ULK4: variants seen among roughly 807,000 people sequenced by gnomAD.
The protein encoded by ULK4 is unc-51 like kinase 4.
In ULK4, 133 loss-of-function variants were observed where a neutral mutation model predicts 160.6. That is an observed-to-expected ratio of 0.83 (90% CI 0.72 to 0.96). The LOEUF (loss-of-function observed/expected upper bound fraction) is 0.96. ULK4 is among the 40% of genes least tolerant of loss of function. The pLI is 0.00. For missense variants in ULK4, 1,580 were observed against 1,499.5 expected, an observed-to-expected ratio of 1.05 and a Z score of -0.89; for synonymous variants, 534 against 539.8, an observed-to-expected ratio of 0.99 and a Z score of 0.15.
intron 35 of ULK4, among the ~76,000 whole-genome samples, chr3:41,323,073 G>C (rs2080273971): frequency 6.6e-6 from 1 of 152,034 alleles, no homozygotes; most frequent in Non-Finnish European, 1.5e-5. Context: ...GAGTAGCTGG[G>C]ATTACAGGCG....
chr3:41,520,118 T>C (rs2085883881), intron 32 of ULK4, among the ~76,000 whole-genome samples: 1 of 152,198 alleles, frequency 6.6e-6, no homozygotes, highest in Admixed American at 6.5e-5. Context: ...TGGCATGAAG[T>C]ACATTCACAG....
intron 2 of ULK4, 127 bp from the exon 3 acceptor site, chr3:41,938,324 T>G (rs1699845080): frequency 6.0e-6 from 4 of 668,408 alleles, no homozygotes; most frequent in Non-Finnish European, 9.7e-6. Flanking sequence ...TGGAATTCTA[T>G]ACAGACATTA....
At chr3:41,860,169 A>G (rs941101655) in intron 17 of ULK4, among the ~76,000 whole-genome samples, 6 of 152,224 alleles carry the variant, frequency 3.9e-5, no homozygotes, top group African/African-American at 1.4e-4. Context: ...AACCTTGAGA[A>G]TAATTCATGT....
intron 25 of ULK4, among the ~76,000 whole-genome samples, chr3:41,710,792 CAA>C (rs201586973): frequency 0.044 from 4,553 of 103,552 alleles, 229 homozygotes; most frequent in African/African-American, 0.13. Flanking sequence ...ACTCTTGTCT[CAA>C]AAAAAAAAAA....
chr3:41,784,142 A>C (rs1428396805), intron 21 of ULK4, among the ~76,000 whole-genome samples: 2 of 152,134 alleles, frequency 1.3e-5, no homozygotes, highest in Non-Finnish European at 2.9e-5. Flanking sequence ...TAGTTCAAAA[A>C]GTTTCCTATT....
chr3:41,925,788 G>C (rs1699364869), intron 5 of ULK4, among the ~76,000 whole-genome samples: 1 of 152,068 alleles, frequency 6.6e-6, no homozygotes, highest in South Asian at 2.1e-4. Flanking sequence ...AAGCCACATG[G>C]AAGAGCGAAC....
At chr3:41,611,550 A>G (rs547677171) in intron 31 of ULK4, among the ~76,000 whole-genome samples, 28 of 152,222 alleles carry the variant, frequency 1.8e-4, no homozygotes, top group African/African-American at 5.1e-4. Context: ...ACTGATCTCA[A>G]AAACCTCATT....
chr3:41,368,954 G>A (rs763741993), intron 35 of ULK4, among the ~76,000 whole-genome samples: 8 of 151,892 alleles, frequency 5.3e-5, no homozygotes, highest in Non-Finnish European at 8.8e-5. Flanking sequence ...ATTTATACCC[G>A]CTTTGCTCCT....
At chr3:41,653,139 C>T (rs1342946530) in intron 30 of ULK4, among the ~76,000 whole-genome samples, 1 of 152,098 alleles carries the variant, frequency 6.6e-6, no homozygotes. Context: ...GCAAACTAAC[C>T]AATCCTTAGC....
chr3:41,882,238 G>A (rs1211831867), intron 17 of ULK4: 2 of 702,852 alleles, frequency 2.8e-6, no homozygotes, highest in Non-Finnish European at 5.2e-6. Context: ...GTGGAGTGTT[G>A]AACAAGACAG....
At chr3:41,668,376 A>G (rs1293689908) in intron 29 of ULK4, among the ~76,000 whole-genome samples, 1 of 152,250 alleles carries the variant, frequency 6.6e-6, no homozygotes, top group Non-Finnish European at 1.5e-5. Context: ...AACAGATGGC[A>G]TATACAATAG....
At chr3:41,522,692 T>C (rs1353217041) in intron 32 of ULK4, among the ~76,000 whole-genome samples, 5 of 152,198 alleles carry the variant, frequency 3.3e-5, no homozygotes, top group African/African-American at 1.2e-4. Flanking sequence ...ATGACAGAAC[T>C]GAAAATGAAA....
chr3:41,283,951 T>A (rs2079411384), intron 35 of ULK4, among the ~76,000 whole-genome samples: 1 of 150,210 alleles, frequency 6.7e-6, no homozygotes, highest in African/African-American at 2.5e-5. Flanking sequence ...CAACCCCTTT[T>A]ACAATAGCTG....
intron 17 of ULK4, among the ~76,000 whole-genome samples, chr3:41,856,575 GTGTATATATA>G (rs1559611187): frequency 1.5e-4 from 4 of 26,394 alleles, no homozygotes; most frequent in Non-Finnish European, 3.0e-4. Flanking sequence ...ATATATATAT[GTGTATATATA>G]TACACATATA....
At chr3:41,547,342 G>C (rs757209539) in intron 32 of ULK4, among the ~76,000 whole-genome samples, 25 of 152,178 alleles carry the variant, frequency 1.6e-4, no homozygotes, top group Non-Finnish European at 3.4e-4. Context: ...GCATCTAAGA[G>C]AGAGCACTAG....
At position 41,675,361 on chromosome 3, in the gene ULK4, G is replaced by A. The variant is rs538047260; in HGVS notation, c.2978+6147C>T. On this transcript the variant is annotated intron_variant, in intron 29 of 36. Coordinates refer to ENST00000301831, the MANE Select transcript of ULK4 (RefSeq NM_017886.4). ...TCCCAGCACTTTAGAAGGCAGAGGC[G>A]GGCAGATCACTTCAGGTCAGGAGTT... Among the ~76,000 whole-genome samples, 8 of 151,916 alleles carry A rather than the reference G, an allele frequency of 5.3e-5. No homozygotes were observed. The South Asian group carries it at 8.3e-4, about 16-fold the overall frequency.
At chr3:41,294,385 T>C (rs2079629557) in intron 35 of ULK4, among the ~76,000 whole-genome samples, 1 of 152,176 alleles carries the variant, frequency 6.6e-6, no homozygotes, top group Admixed American at 6.5e-5. Context: ...TATGATAAAT[T>C]AATTTCTTTT....
At chr3:41,675,112 CGCCTGT>C (rs747294611) in intron 29 of ULK4, among the ~76,000 whole-genome samples, 14 of 151,356 alleles carry the variant, frequency 9.2e-5, no homozygotes, top group African/African-American at 3.4e-4. Context: ...TGGTGGTGCA[CGCCTGT>C]AGTCCCAGCC....
intron 25 of ULK4, among the ~76,000 whole-genome samples, chr3:41,706,594 A>G (rs995151022): frequency 1.6e-4 from 24 of 150,908 alleles, no homozygotes; most frequent in African/African-American, 5.4e-4. Flanking sequence ...TTGGGAGGCC[A>G]AGGCGGGCAG....
Sources: gnomAD v4.1 joint callset for allele counts (sites outside exome capture counted in the v4.1 genomes callset) on GRCh38, gnomAD v4.1.1 for gene constraint, MANE v1.5 for transcripts, NCBI Gene and HGNC (gene_info 2026-07-23, HGNC 2026-07-21) for gene names.